PIK3C3: variants seen among roughly 807,000 people sequenced by gnomAD.
PIK3C3 encodes PI3-kinase type 3.
PIK3C3 carries 95 observed loss-of-function variants against 126.1 expected under a neutral mutation model. The observed-to-expected ratio is 0.75, with a 90% CI of 0.64 to 0.89. PIK3C3 has a LOEUF of 0.89. PIK3C3 is among the 40% of genes least tolerant of loss of function. The probability of loss-of-function intolerance (pLI) is 0.00; values close to 1 mark genes in which losing one functional copy is unlikely to be tolerated. For synonymous variants in PIK3C3, 374 were observed against 360.0 expected, an observed-to-expected ratio of 1.04 and a Z score of -0.44; for missense variants, 829 against 1,063.2, an observed-to-expected ratio of 0.78 and a Z score of 3.06.
At chr18:42,065,273 C>G (rs1051756109) in intron 23 of PIK3C3, among the ~76,000 whole-genome samples, 1 of 151,882 alleles carries the variant, frequency 6.6e-6, no homozygotes, top group Non-Finnish European at 1.5e-5. Context: ...TAAAACAATC[C>G]GTAGAAACAC....
chr18:42,020,210 C>G (rs1042626861), intron 12 of PIK3C3, among the ~76,000 whole-genome samples: 4 of 152,084 alleles, frequency 2.6e-5, no homozygotes, highest in African/African-American at 9.7e-5. Context: ...TGACCTTTGC[C>G]TATCTTTTCA....
At chr18:42,022,351 G>C (rs933055652) in intron 13 of PIK3C3, among the ~76,000 whole-genome samples, 12 of 151,918 alleles carry the variant, frequency 7.9e-5, no homozygotes, top group African/African-American at 2.9e-4. Context: ...TGTTCTCATT[G>C]TTCAATTCCC....
At chr18:41,971,149 C>T (rs1052893486) in intron 4 of PIK3C3, 3 of 152,988 alleles carry the variant, frequency 2.0e-5, no homozygotes, top group African/African-American at 7.2e-5. Context: ...ATTTTGTGAA[C>T]TTCCTTTCAC....
intron 18 of PIK3C3, 50 bp downstream of exon 18, chr18:42,038,900 A>C (rs1171220244): frequency 8.2e-7 from 1 of 1,218,896 alleles, no homozygotes; most frequent in Non-Finnish European, 1.2e-6. Flanking sequence ...CATTGTGTGT[A>C]CTTTTTCAAA....
At chr18:41,959,877 A>G (rs547732641) in intron 2 of PIK3C3, among the ~76,000 whole-genome samples, 1 of 152,300 alleles carries the variant, frequency 6.6e-6, no homozygotes, top group South Asian at 2.1e-4. Context: ...CGAAAGTTGA[A>G]TTTATTGGTA....
chr18:42,017,063 T>C (rs946544487), intron 12 of PIK3C3, among the ~76,000 whole-genome samples: 4 of 152,140 alleles, frequency 2.6e-5, no homozygotes, highest in African/African-American at 9.6e-5. Context: ...GTCAGCTGAA[T>C]AGTTTTTTAG....
intron 12 of PIK3C3, among the ~76,000 whole-genome samples, chr18:42,019,755 A>G (rs1983239567): frequency 6.6e-6 from 1 of 152,070 alleles, no homozygotes; most frequent in Non-Finnish European, 1.5e-5. Context: ...CATGTATTTG[A>G]TCTCCATTGT....
At chr18:42,007,932 G>A (rs896033067) in intron 10 of PIK3C3, among the ~76,000 whole-genome samples, 2 of 152,074 alleles carry the variant, frequency 1.3e-5, no homozygotes, top group African/African-American at 4.8e-5. Flanking sequence ...TCAGTCAAAT[G>A]CTCTCATTTA....
At chr18:41,964,114 T>C (rs959651789) in intron 3 of PIK3C3, among the ~76,000 whole-genome samples, 17 of 152,152 alleles carry the variant, frequency 1.1e-4, no homozygotes, top group African/African-American at 3.9e-4. Context: ...TTAAAATCTT[T>C]GATTTATCTA....
At chr18:42,041,486 ATT>A (rs34932250) in intron 19 of PIK3C3, among the ~76,000 whole-genome samples, 3 of 135,412 alleles carry the variant, frequency 2.2e-5, no homozygotes, top group African/African-American at 2.7e-5. Context: ...ATATGTTTGG[ATT>A]TTTTTTTTTT....
intron 3 of PIK3C3, among the ~76,000 whole-genome samples, chr18:41,966,177 C>CTTTTT (rs10539758): frequency 2.0e-4 from 22 of 112,552 alleles, no homozygotes; most frequent in Non-Finnish European, 3.1e-4. Flanking sequence ...TATATTGTTC[C>CTTTTT]TTTTTTTTTT....
intron 23 of PIK3C3, among the ~76,000 whole-genome samples, chr18:42,066,286 A>C (rs1207697393): frequency 6.6e-6 from 1 of 152,224 alleles, no homozygotes; most frequent in Non-Finnish European, 1.5e-5. Flanking sequence ...AGTACAGTGA[A>C]GAGACAAGGG....
chr18:41,976,063 A>C (rs780212260), intron 4 of PIK3C3, among the ~76,000 whole-genome samples: 4 of 152,198 alleles, frequency 2.6e-5, no homozygotes, highest in Non-Finnish European at 5.9e-5. Flanking sequence ...GTTGTACTGC[A>C]TCTTTTGAAT....
At chr18:42,004,574 G>A in intron 10 of PIK3C3, 33 bp downstream of exon 10, 1 of 1,523,468 alleles carries the variant, frequency 6.6e-7, no homozygotes. Flanking sequence ...GCTTCAATGG[G>A]TCATTTTAAA....
intron 4 of PIK3C3, among the ~76,000 whole-genome samples, chr18:41,977,517 A>G (rs1169846761): frequency 6.6e-6 from 1 of 151,142 alleles, no homozygotes; most frequent in Non-Finnish European, 1.5e-5. Flanking sequence ...TTTTTTTGAG[A>G]CACAGTCTCA....
At position 42,049,749 on chromosome 18, in the gene PIK3C3, G is replaced by A. The variant is rs1040564321; in HGVS notation, c.2263+144G>A. 9 of 581,132 alleles carry A rather than the reference G, an allele frequency of 1.5e-5. No homozygotes were observed. The South Asian group carries it at 1.7e-4, about 11-fold the overall frequency. The allele number at this position is 581,132 out of a possible 1,614,324, so 36.0% of individuals were successfully genotyped here. A position where few individuals can be genotyped will look rare whatever the true frequency, so the allele number is the denominator to read the frequency against. On this transcript the variant is annotated intron_variant, in intron 21 of 24. Transcript: ENST00000262039. ...AGCACTTTGGGAGGCCAAGGCGGGT[G>A]GATCACCTGAGGTTGGGAGTTCGAG...
chr18:42,076,173 TATATGCACATATATATATGCACAC>T (rs1986015043), intron 24 of PIK3C3, among the ~76,000 whole-genome samples: 4 of 125,642 alleles, frequency 3.2e-5, no homozygotes, highest in Admixed American at 1.7e-4. Flanking sequence ...CACATATATA[TATATGCACATATATATATGCACAC>T]ATATATATAT....
In PIK3C3 at chr18:42,038,857, GTATTT is replaced by G; in HGVS notation, c.2038+10_2038+14del. On this transcript the variant is annotated splice_region_variant and intron_variant, in intron 18 of 24. Coordinates refer to ENST00000262039, the MANE Select transcript of PIK3C3 (RefSeq NM_002647.4). ...GCCACCAGTACAAAACATGGTAAGT[GTATTT>G]TACATCATTATTATTTACTTTAGTG... The G allele has an allele frequency of 2.6e-6, 4 of 1,524,236 alleles. No homozygotes were observed. The highest frequency in any genetic ancestry group is 3.6e-6 in the Non-Finnish European group (4 of 1,106,086). 94.4% of individuals were successfully genotyped at this position (1,524,236 alleles called of 1,614,324 possible).
intron 3 of PIK3C3, among the ~76,000 whole-genome samples, chr18:41,967,238 A>G (rs1027644688): frequency 6.6e-6 from 1 of 151,834 alleles, no homozygotes; most frequent in Admixed American, 6.6e-5. Context: ...GCTCACAGCT[A>G]CTTCCTTGCA....
Sources: gnomAD v4.1 joint callset for allele counts (sites outside exome capture counted in the v4.1 genomes callset) on GRCh38, gnomAD v4.1.1 for gene constraint, MANE v1.5 for transcripts, NCBI Gene and HGNC (gene_info 2026-07-23, HGNC 2026-07-21) for gene names.